The following CCDC175 variants were observed in gnomAD, a reference collection of about 807,000 sequenced individuals.
CCDC175 encodes the protein coiled-coil domain-containing protein 175.
In CCDC175, 100 loss-of-function variants were observed where a neutral mutation model predicts 114.6. The observed-to-expected ratio is 0.87, with a 90% CI of 0.74 to 1.03. The LOEUF is 1.03. Ranked by LOEUF, CCDC175 falls within the 50% of genes least tolerant of loss-of-function variation. CCDC175 has a pLI of 0.00. For synonymous variants in CCDC175, 306 were observed against 308.7 expected (o/e 0.99, Z 0.09); for missense variants, 880 against 917.8 (o/e 0.96, Z 0.53).
chr14:59,566,246 A>G (rs1029147771), intron 4 of CCDC175, among the ~76,000 whole-genome samples: 1 of 152,220 alleles, frequency 6.6e-6, no homozygotes, highest in Non-Finnish European at 1.5e-5. Context: ...TGTCTGAGGA[A>G]GACCTTAAGA....
At chr14:59,570,642 G>C (rs1896795831) in intron 3 of CCDC175, among the ~76,000 whole-genome samples, 1 of 152,180 alleles carries the variant, frequency 6.6e-6, no homozygotes, top group Admixed American at 6.6e-5. Flanking sequence ...ATTGAGGCAA[G>C]GGAGCCAGAC....
chr14:59,530,552 AG>A (rs1316487817), intron 14 of CCDC175, among the ~76,000 whole-genome samples: 1 of 152,124 alleles, frequency 6.6e-6, no homozygotes, highest in African/African-American at 2.4e-5. Context: ...TAAGAGGCCA[AG>A]AAAACCTACT....
intron 8 of CCDC175, among the ~76,000 whole-genome samples, chr14:59,547,201 T>C (rs1312066650): frequency 2.6e-5 from 4 of 152,168 alleles, no homozygotes; most frequent in African/African-American, 9.7e-5. Context: ...CACATCATAG[T>C]GCAACTGAAC....
chr14:59,550,792 G>A (rs4901939), intron 8 of CCDC175, among the ~76,000 whole-genome samples: 43,248 of 151,882 alleles, frequency 0.28, 6,409 homozygotes, highest in South Asian at 0.4. Context: ...TATCCTGGCC[G>A]CACTGGCAGC....
At chr14:59,563,942 C>A in intron 5 of CCDC175, 83 bp from the exon 6 acceptor site, 1 of 886,176 alleles carries the variant, frequency 1.1e-6, no homozygotes, top group Non-Finnish European at 1.5e-6. Context: ...ACAGTGTCAA[C>A]CTAATTCATA....
intron 19 of CCDC175, among the ~76,000 whole-genome samples, chr14:59,506,836 T>C (rs1892440338): frequency 6.6e-6 from 1 of 152,196 alleles, no homozygotes; most frequent in African/African-American, 2.4e-5. Flanking sequence ...GTTATATACA[T>C]TGATTTTTTT....
At chr14:59,531,730 T>A in intron 14 of CCDC175, 42 bp downstream of exon 14, 1 of 1,381,540 alleles carries the variant, frequency 7.2e-7, no homozygotes. Flanking sequence ...AGTGAAATCC[T>A]TACCTGGGAT....
chr14:59,548,548 G>T, intron 8 of CCDC175, among the ~76,000 whole-genome samples: 1 of 152,184 alleles, frequency 6.6e-6, no homozygotes. Context: ...CCAGTTTAGG[G>T]GTCCTAGACT....
Position 59,545,300 on chromosome 14 carries a change from C to T in CCDC175, c.1036-1G>A. ...GAGCAGCATGCAGTGTTTCAACCAG[C>T]TAGAGAAAAACAAAGGAGGTGAATG... On this transcript the variant is annotated splice_acceptor_variant, in intron 8 of 19. Coordinates refer to ENST00000537690, the MANE Select transcript of CCDC175 (RefSeq NM_001164399.2). LOFTEE classifies it high-confidence loss of function. 2 of 1,535,316 alleles carry T rather than the reference C, an allele frequency of 1.3e-6. No homozygotes were observed. Among genetic ancestry groups the T allele is most frequent in the Non-Finnish European group, 1.7e-6 (2 of 1,146,200 alleles).
intron 13 of CCDC175, among the ~76,000 whole-genome samples, chr14:59,534,727 C>A (rs529675934): frequency 6.6e-6 from 1 of 152,302 alleles, no homozygotes; most frequent in South Asian, 2.1e-4. Flanking sequence ...CTGTGGCAAG[C>A]TCTGATAGAA....
chr14:59,524,003 A>AG, intron 16 of CCDC175, among the ~76,000 whole-genome samples: 1 of 46,554 alleles, frequency 2.1e-5, no homozygotes, highest in South Asian at 6.9e-4. Context: ...AAGAAAAAAG[A>AG]AAAAAAAAAA....
Position 59,576,600 on chromosome 14 carries a change from C to T in CCDC175, c.157+19G>A. The stretch of plus-strand genomic sequence containing the variant: ...ACCTCTGAGGAGACGTCCCTTCCAG[C>T]GCCCGAGGGGCGTCTTACCCACAAC... On this transcript the variant is annotated intron_variant, in intron 1 of 19. Transcript: ENST00000537690. 2 of 1,407,820 alleles carry T rather than the reference C, an allele frequency of 1.4e-6. No homozygotes were observed. The highest frequency in any genetic ancestry group is 1.5e-5 in the African/African-American group (1 of 66,280). The allele number at this position is 1,407,820 out of a possible 1,614,324, so 87.2% of individuals were successfully genotyped here.
At chr14:59,575,611 CG>C (rs1897071331) in intron 1 of CCDC175, among the ~76,000 whole-genome samples, 2 of 149,282 alleles carry the variant, frequency 1.3e-5, no homozygotes, top group African/African-American at 4.9e-5. Context: ...CTGAGTTCAA[CG>C]GATTCTCCTG....
In CCDC175 at chr14:59,525,265, G is replaced by T; in HGVS notation, c.1995+17C>A. ...TAATCAAAGCCATCATGAAAAGGAT[G>T]GTGCTCTTAAACTTACTTCTTTTAA... On this transcript the variant is annotated intron_variant, in intron 16 of 19. Transcript: ENST00000537690. 7.0e-7 allele frequency: 1 copy of T among 1,419,234 alleles called. No individual in the cohort carries two copies. Among genetic ancestry groups the T allele is most frequent in the South Asian group, 1.6e-5 (1 of 64,514 alleles). The allele number at this position is 1,419,234 out of a possible 1,614,324, so 87.9% of individuals were successfully genotyped here.
intron 3 of CCDC175, among the ~76,000 whole-genome samples, chr14:59,571,250 T>G (rs879633870): frequency 1.3e-5 from 2 of 152,002 alleles, no homozygotes; most frequent in Non-Finnish European, 2.9e-5. Flanking sequence ...GCATTGAATT[T>G]GGGAATGATT....
chr14:59,543,247 A>C, intron 10 of CCDC175, 97 bp downstream of exon 10: 2 of 485,270 alleles, frequency 4.1e-6, no homozygotes, highest in South Asian at 9.1e-5. Context: ...CCTTTTCTGT[A>C]GTATGTTAGA....
chr14:59,526,555 C>CAAA (rs34795667), intron 15 of CCDC175, among the ~76,000 whole-genome samples: 28 of 142,108 alleles, frequency 2.0e-4, no homozygotes, highest in Middle Eastern at 3.7e-3. Context: ...GACTCCATCT[C>CAAA]AAAAAAAAAA....
At chr14:59,576,553 C>T in intron 1 of CCDC175, 66 bp downstream of exon 1, 10 of 1,343,640 alleles carry the variant, frequency 7.4e-6, no homozygotes, top group Non-Finnish European at 9.6e-6. Flanking sequence ...TCAGGGTTCC[C>T]GCTGAGTGCC....
At chr14:59,570,174 A>T (rs1896766171) in intron 3 of CCDC175, among the ~76,000 whole-genome samples, 1 of 152,102 alleles carries the variant, frequency 6.6e-6, no homozygotes, top group Non-Finnish European at 1.5e-5. Context: ...AAGCTACTCA[A>T]GGGGTACTGG....
Sources: gnomAD v4.1 joint callset for allele counts (sites outside exome capture counted in the v4.1 genomes callset) on GRCh38, gnomAD v4.1.1 for gene constraint, MANE v1.5 for transcripts, NCBI Gene and HGNC (gene_info 2026-07-23, HGNC 2026-07-21) for gene names.